The following NEDD9 variants were observed in gnomAD, a reference collection of about 807,000 sequenced individuals.
NEDD9 encodes the protein enhancer of filamentation 1.
In NEDD9, 26 loss-of-function variants were observed where a neutral mutation model predicts 76.6. The observed-to-expected ratio is 0.34, with a 90% CI of 0.25 to 0.47. The LOEUF (loss-of-function observed/expected upper bound fraction) is 0.47. Among genes scored for constraint, NEDD9 ranks in the 20% least tolerant of loss-of-function variants. The pLI is 1.00. For synonymous variants in NEDD9, 392 were observed against 414.2 expected, an observed-to-expected ratio of 0.95 and a Z score of 0.65; for missense variants, 937 against 1,058.5, an observed-to-expected ratio of 0.89 and a Z score of 1.59.
intron 1 of NEDD9, among the ~76,000 whole-genome samples, chr6:11,223,057 A>G (rs2113775206): frequency 6.6e-6 from 1 of 152,294 alleles, no homozygotes; most frequent in African/African-American, 2.4e-5. Context: ...TGTTACTGGC[A>G]TCTAGTGGGT....
At chr6:11,344,322 C>T (rs186536784) in intron 1 of NEDD9, among the ~76,000 whole-genome samples, 1 of 152,226 alleles carries the variant, frequency 6.6e-6, no homozygotes, top group Admixed American at 6.5e-5. Flanking sequence ...TGGAAAGTCC[C>T]CGTTGTTGAA....
intron 2 of NEDD9, among the ~76,000 whole-genome samples, chr6:11,315,325 C>T (rs1425565140): frequency 6.6e-6 from 1 of 152,218 alleles, no homozygotes; most frequent in Non-Finnish European, 1.5e-5. Context: ...TAAAACAGCC[C>T]ATCAGCCACC....
intron 1 of NEDD9, among the ~76,000 whole-genome samples, chr6:11,230,049 G>A (rs749554535): frequency 1.3e-5 from 2 of 152,206 alleles, no homozygotes; most frequent in African/African-American, 4.8e-5. Context: ...ATAGAGCAAC[G>A]TAGTATTTTA....
At chr6:11,352,303 G>A (rs1561844666) in intron 1 of NEDD9, 1 of 151,874 alleles carries the variant, frequency 6.6e-6, no homozygotes, top group Non-Finnish European at 1.5e-5. Flanking sequence ...CAGTGTAGAT[G>A]TTTACAGACA....
chr6:11,374,954 C>T (rs1762948052), intron 1 of NEDD9, among the ~76,000 whole-genome samples: 1 of 152,136 alleles, frequency 6.6e-6, no homozygotes, highest in East Asian at 1.9e-4. Flanking sequence ...TTAGCCCTTT[C>T]TTCCTCTCCC....
intron 2 of NEDD9, among the ~76,000 whole-genome samples, chr6:11,311,074 C>T (rs1425799554): frequency 1.3e-5 from 2 of 152,120 alleles, no homozygotes; most frequent in African/African-American, 4.8e-5. Flanking sequence ...CAGCAGTCAC[C>T]CCTTTCCTTT....
At chr6:11,352,403 C>CT (rs1762487033) in intron 1 of NEDD9, 1 of 152,174 alleles carries the variant, frequency 6.6e-6, no homozygotes, top group Non-Finnish European at 1.5e-5. Flanking sequence ...GGTGGCCGGC[C>CT]TTTTTCTCTT....
rs115307447 is a variant in NEDD9 at position 11,311,452 on chromosome 6, T to A, written c.-152-5297A>T. On this transcript the variant is annotated intron_variant, in intron 2 of 3. Coordinates refer to the NEDD9 transcript ENST00000397378. ...CCCAGCCTCCCGAGCTGTGAAACGA[T>A]CGATTTCTGTTTAAGCCCTGCAGTC... 5.0e-3 allele frequency among the ~76,000 whole-genome samples: 758 copies of A among 152,276 alleles called. 6 individuals are homozygous for A. Among genetic ancestry groups the A allele is most frequent in the African/African-American group, 0.018 (732 of 41,546 alleles).
chr6:11,355,779 G>A (rs1762554848), intron 1 of NEDD9, among the ~76,000 whole-genome samples: 1 of 151,930 alleles, frequency 6.6e-6, no homozygotes. Flanking sequence ...GGAGGGCAGT[G>A]GCGCGATCTC....
chr6:11,340,599 A>G (rs1359600470), intron 1 of NEDD9, among the ~76,000 whole-genome samples: 1 of 152,240 alleles, frequency 6.6e-6, no homozygotes, highest in Non-Finnish European at 1.5e-5. Context: ...ATCAGACTTC[A>G]GATGATGTGA....
chr6:11,250,538 G>A (rs539689046), intron 3 of NEDD9, among the ~76,000 whole-genome samples: 9 of 152,104 alleles, frequency 5.9e-5, no homozygotes, highest in South Asian at 2.1e-4. Flanking sequence ...CTTGCTGCCC[G>A]TCCTACGACC....
Position 11,185,053 on chromosome 6 carries a change from T to G in NEDD9, c.*109A>C. The G allele has an allele frequency of 7.6e-7, 1 of 1,307,358 alleles. No homozygotes were observed. Among genetic ancestry groups the G allele is most frequent in the Non-Finnish European group, 1.0e-6 (1 of 979,252 alleles). The allele number at this position is 1,307,358 out of a possible 1,614,324, so 81.0% of individuals were successfully genotyped here. ...ACCCATAAAATGTTAAAATATTTCA[T>G]TTTTATATAAAATATCTACAAAAAT... is the stretch of plus-strand genomic sequence containing the variant. On this transcript the variant is annotated 3_prime_UTR_variant, in exon 7 of 7. Coordinates refer to ENST00000379446, the MANE Select transcript of NEDD9 (RefSeq NM_006403.4).
At chr6:11,195,091 T>C (rs1182671090) in intron 2 of NEDD9, among the ~76,000 whole-genome samples, 2 of 152,202 alleles carry the variant, frequency 1.3e-5, no homozygotes, top group African/African-American at 4.8e-5. Flanking sequence ...TACAGAACTA[T>C]GTGAAAAATG....
upstream of NEDD9, chr6:11,233,194 G>A (rs769414347): frequency 7.8e-6 from 4 of 514,886 alleles, no homozygotes; most frequent in African/African-American, 7.7e-5. Flanking sequence ...CCTACTTTTT[G>A]TGTGTGTGTG....
At chr6:11,224,731 C>T (rs1759253474) in intron 1 of NEDD9, among the ~76,000 whole-genome samples, 1 of 152,158 alleles carries the variant, frequency 6.6e-6, no homozygotes, top group Non-Finnish European at 1.5e-5. Context: ...TGTGTGCTGG[C>T]TTTGCCTGTT....
At chr6:11,201,128 G>T in intron 2 of NEDD9, 2 of 1,541,820 alleles carry the variant, frequency 1.3e-6, no homozygotes, top group Admixed American at 3.3e-5. Context: ...TCTCCTTGGG[G>T]GCACTTCTTT....
rs368561097 is a variant in NEDD9, at chr6:11,229,336, G to T, written c.12+3168C>A. ...AAAGCCACAAAAGCGTCTCTGCTCAGCCATTAGCAGCCAGGCCAAGGGGCC... is the reference window on the plus strand; with the variant it reads ...AAAGCCACAAAAGCGTCTCTGCTCATCCATTAGCAGCCAGGCCAAGGGGCC... On this transcript the variant is annotated intron_variant, in intron 1 of 6. Transcript: ENST00000379446. Among the ~76,000 whole-genome samples the T allele has an allele frequency of 1.0e-3, 157 of 152,354 alleles. 3 individuals carry two copies. In the South Asian group the frequency reaches 0.03, roughly 30 times the overall value.
intron 1 of NEDD9, among the ~76,000 whole-genome samples, chr6:11,224,111 C>T (rs1391616889): frequency 6.6e-6 from 1 of 152,132 alleles, no homozygotes; most frequent in Non-Finnish European, 1.5e-5. Flanking sequence ...AAACCAACAA[C>T]AAAGGATGGG....
Position 11,213,216 on chromosome 6 carries a change from A to G in NEDD9, c.459+65T>C. ...GTTATTAATTTGGGAACATTTCCAA[A>G]TGCTCCAAGTGTAATGGGAAAAAAA... On this transcript the variant is annotated intron_variant, in intron 2 of 6. Coordinates refer to ENST00000379446, the MANE Select transcript of NEDD9 (RefSeq NM_006403.4). This position sits in a 1 kb window ranked among gnomAD's most constrained non-coding sequence, Gnocchi z 5.4. 7.0e-7 allele frequency: 1 copy of G among 1,424,254 alleles called. No homozygotes were observed. Among genetic ancestry groups the G allele is most frequent in the Non-Finnish European group, 9.5e-7 (1 of 1,051,758 alleles). The allele number at this position is 1,424,254 out of a possible 1,614,324, so 88.2% of individuals were successfully genotyped here. A position where few individuals can be genotyped will look rare whatever the true frequency, so the allele number is the denominator to read the frequency against.
Sources: allele counts gnomAD v4.1 joint callset (sites outside exome capture counted in the v4.1 genomes callset), GRCh38; gene constraint gnomAD v4.1.1; non-coding constraint Gnocchi (gnomAD v3.1); transcripts MANE v1.5; gene names NCBI Gene and HGNC (gene_info 2026-07-23, HGNC 2026-07-21).